The following PIGL variants were observed in gnomAD, a reference collection of about 807,000 sequenced individuals.
PIGL encodes the protein phosphatidylinositol glycan anchor biosynthesis class L.
PIGL carries 22 observed loss-of-function variants against 31.1 expected under a neutral mutation model. That is an observed-to-expected ratio of 0.71 (90% CI 0.51 to 1.01). The LOEUF is 1.01. Among genes scored for constraint, PIGL ranks in the 50% least tolerant of loss-of-function variants. The probability of loss-of-function intolerance (pLI) is 0.00; values close to 1 mark genes in which losing one functional copy is unlikely to be tolerated. For synonymous variants in PIGL, 131 were observed against 117.4 expected (o/e 1.12, Z -0.75); for missense variants, 302 against 315.9 (o/e 0.96, Z 0.33).
chr17:16,219,098 G>C (rs2092613776), intron 1 of PIGL, among the ~76,000 whole-genome samples: 1 of 123,612 alleles, frequency 8.1e-6, no homozygotes, highest in Non-Finnish European at 1.6e-5. Context: ...ACGGAGTCTT[G>C]CTCTATCGCC....
chr17:16,288,229 G>T (rs1373831694), intron 2 of PIGL, among the ~76,000 whole-genome samples: 2 of 151,356 alleles, frequency 1.3e-5, no homozygotes, highest in Admixed American at 6.6e-5. Context: ...CTTTCGAGAC[G>T]AAGTCTCACT....
intron 2 of PIGL, among the ~76,000 whole-genome samples, chr17:16,257,953 C>T (rs1370007376): frequency 6.6e-6 from 1 of 150,820 alleles, no homozygotes; most frequent in African/African-American, 2.4e-5. Context: ...ATCCCAGCTA[C>T]TTGGGAGGTT....
At chr17:16,267,694 C>CA (rs1259074044) in intron 2 of PIGL, among the ~76,000 whole-genome samples, 14 of 137,292 alleles carry the variant, frequency 1.0e-4, no homozygotes, top group African/African-American at 3.0e-4. Flanking sequence ...GACTCCATAT[C>CA]AAAAAAAAGA....
chr17:16,310,211 C>T (rs1184211690), intron 3 of PIGL, among the ~76,000 whole-genome samples: 1 of 151,610 alleles, frequency 6.6e-6, no homozygotes, highest in Admixed American at 6.6e-5. Flanking sequence ...ACTTTGTCAA[C>T]ATGTTAATAA....
At chr17:16,235,898 T>A (rs1016338838) in intron 2 of PIGL, among the ~76,000 whole-genome samples, 1 of 152,038 alleles carries the variant, frequency 6.6e-6, no homozygotes, top group African/African-American at 2.4e-5. Context: ...AATCTACAGT[T>A]GATCAGTGAG....
intron 3 of PIGL, among the ~76,000 whole-genome samples, chr17:16,310,828 G>A (rs898138922): frequency 6.6e-6 from 1 of 152,144 alleles, no homozygotes; most frequent in Non-Finnish European, 1.5e-5. Flanking sequence ...TTCCTGCAGC[G>A]TAGCACGCCT....
At chr17:16,261,720 G>A (rs2092820052) in intron 2 of PIGL, among the ~76,000 whole-genome samples, 1 of 151,644 alleles carries the variant, frequency 6.6e-6, no homozygotes, top group Non-Finnish European at 1.5e-5. Flanking sequence ...CCACCTCAGT[G>A]CCTCCCAAGT....
At chr17:16,285,350 G>A (rs995112103) in intron 2 of PIGL, among the ~76,000 whole-genome samples, 2 of 152,184 alleles carry the variant, frequency 1.3e-5, no homozygotes, top group Non-Finnish European at 2.9e-5. Flanking sequence ...ACTTTGGGAG[G>A]CCAAGGCAGG....
intron 2 of PIGL, chr17:16,279,559 T>G (rs1327100810): frequency 6.6e-6 from 1 of 152,250 alleles, no homozygotes; most frequent in Non-Finnish European, 1.5e-5. Context: ...ATTTGTTTAT[T>G]TTATTATACT....
intron 2 of PIGL, among the ~76,000 whole-genome samples, chr17:16,296,109 C>T (rs2092980853): frequency 6.6e-6 from 1 of 152,132 alleles, no homozygotes; most frequent in Admixed American, 6.5e-5. Context: ...AAACTGTGTA[C>T]ATGTTAAACC....
intron 3 of PIGL, among the ~76,000 whole-genome samples, chr17:16,308,331 C>CAAAAAAAA (rs146255775): frequency 0.044 from 6,530 of 148,948 alleles, 167 homozygotes; most frequent in African/African-American, 0.082. Flanking sequence ...AACTCCGTCT[C>CAAAAAAAA]AAAAAAAAAG....
chr17:16,224,431 C>T (rs763377035), intron 1 of PIGL, among the ~76,000 whole-genome samples: 6 of 151,496 alleles, frequency 4.0e-5, no homozygotes, highest in South Asian at 2.1e-4. Context: ...TTCAGCCTCC[C>T]GAGTAGCTGG....
intron 6 of PIGL, among the ~76,000 whole-genome samples, chr17:16,322,994 A>G (rs959337849): frequency 1.3e-5 from 2 of 152,230 alleles, no homozygotes; most frequent in Non-Finnish European, 2.9e-5. Context: ...GCCATTGGCC[A>G]TGAGTTCAGT....
At chr17:16,219,938 C>A (rs959013920) in intron 1 of PIGL, among the ~76,000 whole-genome samples, 10 of 152,024 alleles carry the variant, frequency 6.6e-5, no homozygotes, top group African/African-American at 2.2e-4. Context: ...GTTACAAGGT[C>A]TTCAAAAGAA....
At chr17:16,247,926 C>T (rs2092755707) in intron 2 of PIGL, among the ~76,000 whole-genome samples, 1 of 151,972 alleles carries the variant, frequency 6.6e-6, no homozygotes, top group Non-Finnish European at 1.5e-5. Context: ...CTCACTCTGT[C>T]GCCCAGGCTG....
intron 2 of PIGL, among the ~76,000 whole-genome samples, chr17:16,299,149 G>A (rs1220462155): frequency 2.6e-5 from 4 of 151,490 alleles, no homozygotes; most frequent in African/African-American, 9.7e-5. Context: ...TGGAGGTTGC[G>A]GTGAGCCGAG....
At chr17:16,225,370 T>C (rs2092647360) in intron 1 of PIGL, among the ~76,000 whole-genome samples, 1 of 151,030 alleles carries the variant, frequency 6.6e-6, no homozygotes, top group Admixed American at 6.6e-5. Flanking sequence ...TTTTTTTAAA[T>C]GTAAGCACGT....
At chr17:16,222,527 TTAAG>T (rs1191009530) in intron 1 of PIGL, among the ~76,000 whole-genome samples, 2 of 151,930 alleles carry the variant, frequency 1.3e-5, no homozygotes, top group African/African-American at 2.4e-5. Flanking sequence ...ATCACAAAGT[TTAAG>T]TAACAACTGA....
At chr17:16,247,547 A>G (rs1395495316) in intron 2 of PIGL, among the ~76,000 whole-genome samples, 1 of 152,210 alleles carries the variant, frequency 6.6e-6, no homozygotes, top group Non-Finnish European at 1.5e-5. Flanking sequence ...AAACTCCATT[A>G]GATCTTGAGG....
Sources: gnomAD v4.1 joint callset for allele counts (sites outside exome capture counted in the v4.1 genomes callset) on GRCh38, gnomAD v4.1.1 for gene constraint, MANE v1.5 for transcripts, NCBI Gene and HGNC (gene_info 2026-07-23, HGNC 2026-07-21) for gene names.